The following GLYR1 variants were observed in gnomAD, a reference collection of about 807,000 sequenced individuals.
GLYR1 encodes the protein glyoxylate reductase 1 homolog.
A neutral mutation model predicts 72.7 loss-of-function variants in GLYR1; 21 were observed. The ratio of observed to expected loss-of-function variants is 0.29; its 90% CI spans 0.20 to 0.42. The LOEUF is 0.42. GLYR1 is among the 10% of genes least tolerant of loss of function. GLYR1 has a pLI of 1.00. For synonymous variants in GLYR1, 392 were observed against 270.2 expected, an observed-to-expected ratio of 1.45 and a Z score of -4.42; for missense variants, 594 against 712.1, an observed-to-expected ratio of 0.83 and a Z score of 1.89.
chr16:4,806,941 G>T (rs1382268840), intron 15 of GLYR1, among the ~76,000 whole-genome samples: 1 of 150,072 alleles, frequency 6.7e-6, no homozygotes, highest in Non-Finnish European at 1.5e-5. Context: ...CGAGTAGCTG[G>T]GACTACAGGC....
chr16:4,811,486 C>A, intron 14 of GLYR1, 137 bp downstream of exon 14: 1 of 1,284,048 alleles, frequency 7.8e-7, no homozygotes, highest in Non-Finnish European at 1.1e-6. Context: ...ATCCCGCCCA[C>A]TGTGTTTCTG....
Position 4,845,126 on chromosome 16 carries a change from T to C in GLYR1, c.103A>G (p.Lys35Glu). ...KIVNPPKDLKKPRGKKCFFVK... is the reference protein window; with the variant it reads ...KIVNPPKDLKEPRGKKCFFVK... The stretch of plus-strand genomic sequence containing the variant: ...AAGAAGCATTTCTTTCCGCGAGGTT[T>C]CTTCAAGTCCTTTGGTGGATTAACA... The change falls in exon 3 of 16, where the codon AAA (lysine) becomes GAA (glutamate). Residue 35 changes from lysine to glutamate, a missense_variant. Transcript: ENST00000321919. The C allele has an allele frequency of 6.2e-7, 1 of 1,614,176 alleles. No individual in the cohort carries two copies. The highest frequency in any genetic ancestry group is 8.5e-7 in the Non-Finnish European group (1 of 1,179,990).
At chr16:4,805,452 T>G in intron 15 of GLYR1, 142 bp from the exon 16 acceptor site, 1 of 702,234 alleles carries the variant, frequency 1.4e-6, no homozygotes, top group Non-Finnish European at 2.6e-6. Flanking sequence ...GTGTTGACCT[T>G]GCATGAAGCA....
intron 12 of GLYR1, 97 bp from the exon 13 acceptor site, chr16:4,812,345 C>T: frequency 1.5e-6 from 2 of 1,350,100 alleles, no homozygotes; most frequent in Non-Finnish European, 2.0e-6. Flanking sequence ...GGCTGCTCAT[C>T]ACCTTCCAGA....
intron 5 of GLYR1, among the ~76,000 whole-genome samples, chr16:4,825,345 T>A (rs1302936406): frequency 1.3e-5 from 2 of 151,994 alleles, no homozygotes; most frequent in Non-Finnish European, 2.9e-5. Context: ...CCTGCTGGCT[T>A]TCCCCCCCGC....
intron 5 of GLYR1, among the ~76,000 whole-genome samples, chr16:4,826,797 T>C (rs996858489): frequency 6.6e-6 from 1 of 152,202 alleles, no homozygotes; most frequent in Non-Finnish European, 1.5e-5. Flanking sequence ...TTAATTTCAA[T>C]TTAAATGGCC....
At chr16:4,811,992 G>T in intron 13 of GLYR1, 94 bp downstream of exon 13, 2 of 1,498,996 alleles carry the variant, frequency 1.3e-6, no homozygotes, top group South Asian at 1.3e-5. Context: ...CAGGGTCCCC[G>T]GCAGAAAGGC....
In GLYR1 at chr16:4,824,594, G is replaced by A. The variant is rs7186478; in HGVS notation, c.538-687C>T. ...ACGAATAAAACCACATGGGGCTGAT[G>A]AGATCTGCCCACATTTTACAGCTAT... On this transcript the variant is annotated intron_variant, in intron 5 of 15. Coordinates refer to ENST00000321919, the MANE Select transcript of GLYR1 (RefSeq NM_032569.4). Among the ~76,000 whole-genome samples the A allele has an allele frequency of 7.4e-3, 1,131 of 152,070 alleles. 21 individuals are homozygous for A. The highest frequency in any genetic ancestry group is 0.026 in the African/African-American group (1,089 of 41,498).
chr16:4,816,936 G>A (rs1354011299), intron 10 of GLYR1, among the ~76,000 whole-genome samples: 11 of 145,198 alleles, frequency 7.6e-5, no homozygotes, highest in East Asian at 4.1e-4. Context: ...GCAGTGAGCC[G>A]AGATTGTGCC....
At chr16:4,809,374 A>C (rs779358455) in intron 15 of GLYR1, among the ~76,000 whole-genome samples, 10 of 151,164 alleles carry the variant, frequency 6.6e-5, no homozygotes, top group Non-Finnish European at 1.5e-4. Flanking sequence ...TATTTTTAGT[A>C]GAGATAGGGG....
chr16:4,817,409 G>A (rs756715161), intron 10 of GLYR1, among the ~76,000 whole-genome samples, 189 bp downstream of exon 10: 92 of 152,118 alleles, frequency 6.0e-4, no homozygotes, highest in Non-Finnish European at 1.0e-3. Flanking sequence ...GTGAGCCACC[G>A]CGCCAGGCAA....
chr16:4,817,852 G>C (rs1313190900), intron 9 of GLYR1, 155 bp from the exon 10 acceptor site: 2 of 624,424 alleles, frequency 3.2e-6, no homozygotes. Flanking sequence ...GCAGAGCCAG[G>C]GGCGTCATGC....
chr16:4,803,744 G>C lies in GLYR1; in HGVS notation c.*1492C>G, dbSNP rs774627729. The C allele has an allele frequency of 6.6e-6, 1 of 152,112 alleles. No homozygotes were observed. The highest frequency in any genetic ancestry group is 1.5e-5 in the Non-Finnish European group (1 of 68,016). The allele number at this position is 152,112 out of a possible 1,614,324, so 9.4% of individuals were successfully genotyped here. On this transcript the variant is annotated 3_prime_UTR_variant, in exon 16 of 16. Transcript: ENST00000321919. ...TAACCCAGTTTCTAATCTCTGAAAG[G>C]GGCCAAAGCTGTGAGGGGGGAAGGA...
At chr16:4,818,298 C>T (rs2083783886) in intron 9 of GLYR1, among the ~76,000 whole-genome samples, 1 of 152,016 alleles carries the variant, frequency 6.6e-6, no homozygotes, top group Admixed American at 6.6e-5. Context: ...CGGCCTCACA[C>T]TTTACTTATT....
chr16:4,823,687 T>C (rs925942998), intron 6 of GLYR1, 134 bp downstream of exon 6: 6 of 743,970 alleles, frequency 8.1e-6, no homozygotes, highest in African/African-American at 5.4e-5. Flanking sequence ...TTTTATTTCA[T>C]AGACTTCTGT....
chr16:4,829,434 T>G (rs999245959), intron 5 of GLYR1, among the ~76,000 whole-genome samples: 35 of 151,692 alleles, frequency 2.3e-4, no homozygotes, highest in Admixed American at 2.0e-4. Flanking sequence ...GCTTCCCAAG[T>G]AGGTGGGACT....
At chr16:4,830,142 A>C (rs931007422) in intron 5 of GLYR1, among the ~76,000 whole-genome samples, 3 of 150,786 alleles carry the variant, frequency 2.0e-5, no homozygotes, top group Admixed American at 1.3e-4. Context: ...TCAACTCCTA[A>C]GCTCAAGCAA....
In GLYR1 at chr16:4,832,940, G is replaced by A. The variant is rs375961107; in HGVS notation, c.156-28C>T. 2.5e-6 allele frequency: 4 copies of A among 1,600,498 alleles called. No individual in the cohort carries two copies. In the African/African-American group the frequency reaches 5.4e-5, roughly 21 times the overall value. ...AGCAGAAAACAAACACAAAAAGGGT[G>A]TGAACCATATAGCATATGCCCTAAA... On this transcript the variant is annotated intron_variant, in intron 3 of 15. Transcript: ENST00000321919.
At chr16:4,813,483 G>A (rs2083444106) in intron 12 of GLYR1, among the ~76,000 whole-genome samples, 2 of 152,182 alleles carry the variant, frequency 1.3e-5, no homozygotes, top group South Asian at 2.1e-4. Flanking sequence ...GGCGGCCTGG[G>A]TTGCTTCTCA....
Sources: allele counts gnomAD v4.1 joint callset (sites outside exome capture counted in the v4.1 genomes callset), GRCh38; gene constraint gnomAD v4.1.1; transcripts MANE v1.5; gene names NCBI Gene and HGNC (gene_info 2026-07-23, HGNC 2026-07-21).